JAM2: variants seen among roughly 807,000 people sequenced by gnomAD.
JAM2 encodes junctional adhesion molecule B.
In JAM2, 17 loss-of-function variants were observed where a neutral mutation model predicts 42.0. That is an observed-to-expected ratio of 0.40 (90% CI 0.28 to 0.61). JAM2 has a LOEUF of 0.61. JAM2 is among the 20% of genes least tolerant of loss of function. JAM2 has a pLI of 0.37. For missense variants in JAM2, 319 were observed against 358.3 expected (o/e 0.89, Z 0.89); for synonymous variants, 118 against 128.6 (o/e 0.92, Z 0.56).
rs773872570 is a variant in JAM2 at position 25,689,921 on chromosome 21, G to A, written c.189G>A (p.Trp63Ter). The change falls in exon 3 of 10, where the codon TGG becomes TGA. Residue 63 changes from tryptophan (W) to a stop codon, truncating the protein, a stop_gained. Coordinates refer to ENST00000480456, the MANE Select transcript of JAM2 (RefSeq NM_021219.4). LOFTEE classifies it high-confidence loss of function. ...AGACTGTTTCCTCCAGATTAGAGTG[G>A]AAGAAACTGGGTCGGAGTGTCTCCT... ...PKKTVSSRLE[W>*]KKLGRSVSFV... The A allele has an allele frequency of 3.7e-6, 6 of 1,613,776 alleles. No individual in the cohort carries two copies. The African/African-American group carries it at 5.3e-5, about 14-fold the overall frequency.
rs536983163 is a variant in JAM2, at chr21:25,714,270, G to T, written c.865-370G>T. 1.6e-5 allele frequency: 20 copies of T among 1,250,406 alleles called. No individual in the cohort carries two copies. In the African/African-American group the frequency reaches 2.8e-4, roughly 17 times the overall value. The allele number at this position is 1,250,406 out of a possible 1,614,324, so 77.5% of individuals were successfully genotyped here. ...GCCTGTAATCCCAGCACTTTGGAAG[G>T]CCGCGGCGGGCGGATCACGAGGTCA... is the stretch of plus-strand genomic sequence containing the variant. On this transcript the variant is annotated intron_variant, in intron 9 of 9. Transcript: ENST00000480456.
chr21:25,711,474 TCAGA>T (rs1328203311), intron 8 of JAM2: 12 of 445,068 alleles, frequency 2.7e-5, no homozygotes, highest in African/African-American at 4.1e-5. Flanking sequence ...AGCCATGGCT[TCAGA>T]CAGTTTGTCA....
chr21:25,670,169 C>T (rs535393852), intron 1 of JAM2, among the ~76,000 whole-genome samples: 12 of 152,258 alleles, frequency 7.9e-5, no homozygotes, highest in African/African-American at 2.6e-4. Flanking sequence ...CTTTCCAATA[C>T]TCAATTTGAA....
intron 1 of JAM2, among the ~76,000 whole-genome samples, chr21:25,680,618 C>A (rs938100561): frequency 6.6e-6 from 1 of 152,196 alleles, no homozygotes; most frequent in Non-Finnish European, 1.5e-5. Context: ...AGATGTCCAG[C>A]AGAAAGCTGG....
intron 7 of JAM2, among the ~76,000 whole-genome samples, chr21:25,708,545 A>G (rs1225446665): frequency 6.6e-6 from 1 of 152,236 alleles, no homozygotes; most frequent in Middle Eastern, 3.2e-3. Flanking sequence ...TCCAAGCTGG[A>G]TAACAGAGCA....
chr21:25,677,628 A>T (rs1412200381), intron 1 of JAM2, among the ~76,000 whole-genome samples: 2 of 152,236 alleles, frequency 1.3e-5, no homozygotes, highest in Non-Finnish European at 2.9e-5. Flanking sequence ...TGAAGAAAAT[A>T]AACATTCTCA....
chr21:25,687,258 T>C (rs575036558), intron 2 of JAM2, among the ~76,000 whole-genome samples: 2 of 96 alleles, frequency 0.021, no homozygotes, highest in South Asian at 0.25. Flanking sequence ...CATGTAAATA[T>C]AGTGTCTCTT....
At chr21:25,662,273 G>A (rs556158920) in intron 1 of JAM2, among the ~76,000 whole-genome samples, 3 of 151,522 alleles carry the variant, frequency 2.0e-5, no homozygotes, top group African/African-American at 2.4e-5. Context: ...TCAGCCTCCC[G>A]AGTAGCTGAG....
At chr21:25,700,326 A>C (rs1206840177) in intron 5 of JAM2, among the ~76,000 whole-genome samples, 1 of 151,980 alleles carries the variant, frequency 6.6e-6, no homozygotes, top group Non-Finnish European at 1.5e-5. Context: ...CAAAAAAAAA[A>C]ACTTAAAGGC....
chr21:25,669,363 C>A (rs2033300514), intron 1 of JAM2, among the ~76,000 whole-genome samples: 1 of 146,462 alleles, frequency 6.8e-6, no homozygotes, highest in African/African-American at 2.6e-5. Context: ...CAGAGTGAAA[C>A]CCTGTCTCAA....
Position 25,639,667 on chromosome 21 carries a change from A to G in JAM2, c.-155A>G. Reference sequence around the variant, plus strand: ...CTGAGAAGGCGCCCCGGGGAGGGGGAAACTGACATCCCATCTAGAGCCGTC... The same window carrying G: ...CTGAGAAGGCGCCCCGGGGAGGGGGGAACTGACATCCCATCTAGAGCCGTC... On this transcript the variant is annotated 5_prime_UTR_variant, in exon 1 of 10. Transcript: ENST00000480456. 9 of 491,938 alleles carry G rather than the reference A, an allele frequency of 1.8e-5. No homozygotes were observed. The highest frequency in any genetic ancestry group is 2.1e-5 in the Non-Finnish European group (6 of 280,038). The allele number at this position is 491,938 out of a possible 1,614,324, so 30.5% of individuals were successfully genotyped here.
At chr21:25,656,157 A>G (rs898242303) in intron 1 of JAM2, among the ~76,000 whole-genome samples, 8 of 152,182 alleles carry the variant, frequency 5.3e-5, no homozygotes, top group Admixed American at 3.3e-4. Flanking sequence ...TGCCACATTC[A>G]TAGACTGATG....
At chr21:25,706,379 G>A (rs1431052755) in intron 7 of JAM2, among the ~76,000 whole-genome samples, 1 of 152,018 alleles carries the variant, frequency 6.6e-6, no homozygotes, top group Non-Finnish European at 1.5e-5. Flanking sequence ...ATGGGGTTTC[G>A]CTATGTTGGC....
intron 6 of JAM2, among the ~76,000 whole-genome samples, chr21:25,702,691 A>G (rs1293711411): frequency 2.0e-5 from 3 of 152,210 alleles, no homozygotes; most frequent in African/African-American, 7.2e-5. Flanking sequence ...TTTATAGTCA[A>G]CGTAGCACTT....
intron 1 of JAM2, among the ~76,000 whole-genome samples, chr21:25,678,144 T>C (rs893553869): frequency 1.1e-4 from 17 of 152,176 alleles, no homozygotes; most frequent in African/African-American, 4.1e-4. Flanking sequence ...GAGAATCATT[T>C]GAACTCAGGA....
At chr21:25,677,105 G>A (rs1278170072) in intron 1 of JAM2, among the ~76,000 whole-genome samples, 1 of 151,824 alleles carries the variant, frequency 6.6e-6, no homozygotes, top group African/African-American at 2.4e-5. Context: ...TGTATGTTTG[G>A]ATGACGGCTA....
At chr21:25,669,040 A>G (rs1026226741) in intron 1 of JAM2, among the ~76,000 whole-genome samples, 100 of 152,304 alleles carry the variant, frequency 6.6e-4, no homozygotes, top group African/African-American at 2.3e-3. Context: ...ATTTAAACCC[A>G]GGGCTTTTCC....
At chr21:25,708,242 C>T (rs113005999) in intron 7 of JAM2, among the ~76,000 whole-genome samples, 24 of 151,952 alleles carry the variant, frequency 1.6e-4, no homozygotes, top group African/African-American at 5.6e-4. Context: ...AAAATGTTTC[C>T]GTGGACATGG....
At chr21:25,666,015 G>A (rs573014023) in intron 1 of JAM2, among the ~76,000 whole-genome samples, 9 of 151,978 alleles carry the variant, frequency 5.9e-5, no homozygotes, top group South Asian at 2.1e-4. Context: ...ACTCCAGCCC[G>A]GGTGATAGAG....
Sources: gnomAD v4.1 joint callset for allele counts (sites outside exome capture counted in the v4.1 genomes callset) on GRCh38, gnomAD v4.1.1 for gene constraint, MANE v1.5 for transcripts, NCBI Gene and HGNC (gene_info 2026-07-23, HGNC 2026-07-21) for gene names.